The following CFAP299 variants were observed in gnomAD, a reference collection of about 807,000 sequenced individuals.
CFAP299 encodes the protein cilia- and flagella-associated protein 299.
CFAP299 carries 21 observed loss-of-function variants against 27.0 expected under a neutral mutation model. The ratio of observed to expected loss-of-function variants is 0.78; its 90% CI spans 0.55 to 1.12. The LOEUF (loss-of-function observed/expected upper bound fraction) is 1.12, where lower values mean the gene tolerates loss of function less well. Among genes scored for constraint, CFAP299 ranks in the 50% most tolerant of loss-of-function variants. The pLI is 0.00. For missense variants in CFAP299, 310 were observed against 276.6 expected (o/e 1.12, Z -0.86); for synonymous variants, 104 against 98.1 (o/e 1.06, Z -0.36).
intron 1 of CFAP299, among the ~76,000 whole-genome samples, chr4:80,338,708 G>A (rs1278026204): frequency 6.6e-6 from 1 of 152,162 alleles, no homozygotes; most frequent in Non-Finnish European, 1.5e-5. Flanking sequence ...ACTGCTAAGA[G>A]TTTAAGTAAG....
At chr4:80,861,757 A>T (rs917382426) in intron 3 of CFAP299, among the ~76,000 whole-genome samples, 7 of 152,128 alleles carry the variant, frequency 4.6e-5, no homozygotes, top group Admixed American at 1.3e-4. Flanking sequence ...TTATTATTCT[A>T]ATAAAAAATA....
chr4:80,791,422 T>A (rs890651539), intron 3 of CFAP299, among the ~76,000 whole-genome samples: 1 of 152,050 alleles, frequency 6.6e-6, no homozygotes, highest in African/African-American at 2.4e-5. Context: ...GAAGATTAAA[T>A]GAGATAATAT....
At chr4:80,645,297 A>T (rs1479947722) in intron 3 of CFAP299, among the ~76,000 whole-genome samples, 1 of 152,144 alleles carries the variant, frequency 6.6e-6, no homozygotes, top group Non-Finnish European at 1.5e-5. Context: ...ATAGAGTTGC[A>T]GTTGAGAATC....
intron 3 of CFAP299, among the ~76,000 whole-genome samples, chr4:80,857,577 C>A (rs1044558716): frequency 1.3e-5 from 2 of 152,146 alleles, no homozygotes; most frequent in African/African-American, 2.4e-5. Context: ...TGAGATACAT[C>A]CCATCAATAC....
intron 3 of CFAP299, among the ~76,000 whole-genome samples, chr4:80,614,799 A>G (rs908210791): frequency 2.6e-5 from 4 of 152,228 alleles, no homozygotes; most frequent in Admixed American, 2.0e-4. Flanking sequence ...ATGCTTACAC[A>G]TGTTGTTTAA....
intron 2 of CFAP299, among the ~76,000 whole-genome samples, chr4:80,399,642 G>A (rs924953705): frequency 4.2e-5 from 6 of 143,990 alleles, no homozygotes; most frequent in Admixed American, 7.2e-5. Context: ...ATTGAACAAC[G>A]AGAACACTCG....
chr4:80,937,308 CTTTCTTTTTT>C (rs1736951066), intron 4 of CFAP299, among the ~76,000 whole-genome samples: 3 of 90,820 alleles, frequency 3.3e-5, no homozygotes, highest in Non-Finnish European at 6.3e-5. Flanking sequence ...CTTTTTTTTT[CTTTCTTTTTT>C]TTTTTTTTTT....
intron 3 of CFAP299, among the ~76,000 whole-genome samples, chr4:80,597,482 T>C (rs1352153235): frequency 6.6e-6 from 1 of 152,188 alleles, no homozygotes; most frequent in African/African-American, 2.4e-5. Flanking sequence ...ATATTCTCCC[T>C]CTCTGTAGCT....
At chr4:80,390,035 T>C (rs1725240015) in intron 2 of CFAP299, among the ~76,000 whole-genome samples, 1 of 152,132 alleles carries the variant, frequency 6.6e-6, no homozygotes. Flanking sequence ...ATTTATAGTA[T>C]GCAATGTGAT....
chr4:80,500,537 G>T (rs992776277), intron 2 of CFAP299, among the ~76,000 whole-genome samples: 2 of 152,038 alleles, frequency 1.3e-5, no homozygotes, highest in African/African-American at 4.8e-5. Flanking sequence ...AATTCTACTG[G>T]TTCAAAATAA....
At chr4:80,424,513 G>A (rs930238574) in intron 2 of CFAP299, among the ~76,000 whole-genome samples, 8 of 152,182 alleles carry the variant, frequency 5.3e-5, no homozygotes, top group African/African-American at 1.9e-4. Flanking sequence ...CAAAGATGAT[G>A]TAATCAATAT....
chr4:80,608,393 G>C lies in CFAP299; in HGVS notation c.333+25210G>C, dbSNP rs1354851804. ...GAAGAAGCAACTGGCAGTAAGTACTGCTTATGGAAAAGTTTCCTTTACAAG... is the reference window on the plus strand; with the variant it reads ...GAAGAAGCAACTGGCAGTAAGTACTCCTTATGGAAAAGTTTCCTTTACAAG... On this transcript the variant is annotated intron_variant, in intron 3 of 5. Coordinates refer to ENST00000358105, the MANE Select transcript of CFAP299 (RefSeq NM_152770.3). 2.6e-6 allele frequency: 4 copies of C among 1,515,160 alleles called. No homozygotes were observed. The Admixed American group carries it at 5.9e-5, about 22-fold the overall frequency. 93.9% of individuals were successfully genotyped at this position (1,515,160 alleles called of 1,614,324 possible). A position where few individuals can be genotyped will look rare whatever the true frequency, so the allele number is the denominator to read the frequency against.
At chr4:80,812,670 A>T (rs1729217519) in intron 3 of CFAP299, among the ~76,000 whole-genome samples, 2 of 152,134 alleles carry the variant, frequency 1.3e-5, no homozygotes, top group African/African-American at 4.8e-5. Context: ...GCGTCAATAG[A>T]GTTACATTGG....
chr4:80,775,310 G>A (rs1726471542), intron 3 of CFAP299, among the ~76,000 whole-genome samples: 1 of 151,888 alleles, frequency 6.6e-6, no homozygotes, highest in Non-Finnish European at 1.5e-5. Flanking sequence ...CAGCATGGTG[G>A]AATTACTGGC....
chr4:80,764,301 A>G (rs973864172), intron 3 of CFAP299, among the ~76,000 whole-genome samples: 1 of 152,218 alleles, frequency 6.6e-6, no homozygotes, highest in Non-Finnish European at 1.5e-5. Flanking sequence ...ATGAACAGAC[A>G]CTTCTCAAAA....
chr4:80,516,088 T>C (rs1732576063), intron 2 of CFAP299, among the ~76,000 whole-genome samples: 1 of 151,140 alleles, frequency 6.6e-6, no homozygotes, highest in African/African-American at 2.4e-5. Context: ...TGGCGTGATC[T>C]TGGCTCACTG....
intron 3 of CFAP299, among the ~76,000 whole-genome samples, chr4:80,805,164 C>T (rs754329589): frequency 6.6e-6 from 1 of 151,834 alleles, no homozygotes; most frequent in Non-Finnish European, 1.5e-5. Flanking sequence ...TTTGAGAACA[C>T]AAGCATAAAT....
intron 3 of CFAP299, among the ~76,000 whole-genome samples, chr4:80,820,669 A>G (rs1005054186): frequency 5.9e-5 from 9 of 152,112 alleles, no homozygotes; most frequent in African/African-American, 1.7e-4. Flanking sequence ...AAGGATGCCT[A>G]TGGTTGCTGT....
chr4:80,752,191 C>G (rs1049142544), intron 3 of CFAP299, among the ~76,000 whole-genome samples: 15 of 152,124 alleles, frequency 9.9e-5, no homozygotes, highest in African/African-American at 3.1e-4. Flanking sequence ...TCCTCCACCC[C>G]CTTCACTTTT....
Sources: allele counts gnomAD v4.1 joint callset (sites outside exome capture counted in the v4.1 genomes callset), GRCh38; gene constraint gnomAD v4.1.1; transcripts MANE v1.5; gene names NCBI Gene and HGNC (gene_info 2026-07-23, HGNC 2026-07-21).